The following BAALC variants were observed in gnomAD, a reference collection of about 807,000 sequenced individuals.
The protein encoded by BAALC is BAALC binder of MAP3K1 and KLF4.
Under a neutral mutation model 15.5 loss-of-function variants are expected in BAALC, and 9 were observed. The ratio of observed to expected loss-of-function variants is 0.58; its 90% CI spans 0.35 to 1.02. The LOEUF (loss-of-function observed/expected upper bound fraction) is 1.02, where lower values mean the gene tolerates loss of function less well. BAALC is among the 50% of genes least tolerant of loss of function. BAALC has a pLI of 0.02. For missense variants in BAALC, 201 were observed against 192.4 expected (o/e 1.04, Z -0.27); for synonymous variants, 80 against 74.6 (o/e 1.07, Z -0.37).
At chr8:103,218,752 A>G (rs550944278) in intron 2 of BAALC, among the ~76,000 whole-genome samples, 1 of 152,286 alleles carries the variant, frequency 6.6e-6, no homozygotes, top group African/African-American at 2.4e-5. Context: ...AGGAACTAGC[A>G]TGGGGACTGA....
chr8:103,174,172 G>A (rs72671401), intron 1 of BAALC, among the ~76,000 whole-genome samples: 12,516 of 151,500 alleles, frequency 0.083, 699 homozygotes, highest in Middle Eastern at 0.13. Flanking sequence ...CCATTCTGCC[G>A]GCCTCCCCCA....
intron 1 of BAALC, among the ~76,000 whole-genome samples, chr8:103,176,615 A>G (rs985135965): frequency 6.6e-6 from 1 of 152,140 alleles, no homozygotes; most frequent in African/African-American, 2.4e-5. Context: ...TTCTCATTGT[A>G]CCATGCGCCA....
chr8:103,161,983 C>G (rs896489986), intron 1 of BAALC, among the ~76,000 whole-genome samples: 1 of 151,140 alleles, frequency 6.6e-6, no homozygotes, highest in African/African-American at 2.4e-5. Flanking sequence ...TTTTTTGAAA[C>G]AGGGTTTTGC....
chr8:103,207,267 C>A (rs969185342), intron 1 of BAALC, among the ~76,000 whole-genome samples: 12 of 152,138 alleles, frequency 7.9e-5, no homozygotes, highest in African/African-American at 2.4e-4. Flanking sequence ...TAAAAGCAAA[C>A]AGAAGCTCAT....
intron 1 of BAALC, among the ~76,000 whole-genome samples, chr8:103,169,060 T>TC (rs1007969725): frequency 2.0e-5 from 3 of 152,076 alleles, no homozygotes; most frequent in Non-Finnish European, 4.4e-5. Context: ...TAAAAAAATC[T>TC]CATAGCCTTC....
At chr8:103,218,735 G>A (rs976073066) in intron 2 of BAALC, among the ~76,000 whole-genome samples, 6 of 152,128 alleles carry the variant, frequency 3.9e-5, no homozygotes, top group African/African-American at 1.4e-4. Flanking sequence ...TGACTGGACC[G>A]TGCTAAAGGA....
intron 1 of BAALC, chr8:103,200,851 G>C: frequency 1.8e-6 from 1 of 565,206 alleles, no homozygotes; most frequent in Non-Finnish European, 3.3e-6. Flanking sequence ...GCTTCCTAAA[G>C]GTCCTGCCTC....
intron 1 of BAALC, among the ~76,000 whole-genome samples, chr8:103,151,020 T>C (rs1220083067): frequency 3.0e-4 from 3 of 9,894 alleles, no homozygotes; most frequent in Admixed American, 2.0e-3. Context: ...AAGAATTTGA[T>C]TTTTTTTTTT....
chr8:103,145,303 A>G (rs2935579), intron 1 of BAALC, among the ~76,000 whole-genome samples: 113,307 of 152,174 alleles, frequency 0.74, 42,409 homozygotes, highest in Non-Finnish European at 0.76. Flanking sequence ...CTCCAGACCC[A>G]TGTGATCAAG....
At chr8:103,176,228 C>G (rs952906261) in intron 1 of BAALC, among the ~76,000 whole-genome samples, 1 of 152,182 alleles carries the variant, frequency 6.6e-6, no homozygotes, top group South Asian at 2.1e-4. Context: ...GGCTCTCTCA[C>G]GCATACATGC....
At chr8:103,152,753 G>A (rs1035276158) in intron 1 of BAALC, among the ~76,000 whole-genome samples, 1 of 152,226 alleles carries the variant, frequency 6.6e-6, no homozygotes, top group Non-Finnish European at 1.5e-5. Context: ...TCTGCACAGA[G>A]GTCTGGAGGT....
At chr8:103,188,316 G>C (rs1167216096) in intron 1 of BAALC, among the ~76,000 whole-genome samples, 1 of 152,120 alleles carries the variant, frequency 6.6e-6, no homozygotes, top group Non-Finnish European at 1.5e-5. Context: ...CGGGCCATGC[G>C]ATGCCCCTGA....
chr8:103,183,516 G>C (rs1202742258), intron 1 of BAALC: 2 of 696,296 alleles, frequency 2.9e-6, no homozygotes, highest in Non-Finnish European at 5.3e-6. Flanking sequence ...GGTGGGTATG[G>C]GACAACTCTG....
At chr8:103,203,711 G>A (rs986721670) in intron 1 of BAALC, among the ~76,000 whole-genome samples, 2 of 152,120 alleles carry the variant, frequency 1.3e-5, no homozygotes, top group Admixed American at 6.5e-5. Flanking sequence ...CTTCTTTCAC[G>A]TAGCGTAATG....
intron 2 of BAALC, among the ~76,000 whole-genome samples, chr8:103,219,050 C>G (rs1461221766): frequency 6.6e-6 from 1 of 152,156 alleles, no homozygotes; most frequent in Non-Finnish European, 1.5e-5. Context: ...CTGGGAAAAC[C>G]AGAGAGGGGA....
chr8:103,192,430 T>C (rs1811992649), intron 1 of BAALC, among the ~76,000 whole-genome samples: 1 of 152,242 alleles, frequency 6.6e-6, no homozygotes, highest in Non-Finnish European at 1.5e-5. Context: ...CTGTGTCCTT[T>C]CTAAATTGTT....
intron 1 of BAALC, among the ~76,000 whole-genome samples, chr8:103,177,190 T>TG (rs1236440184): frequency 1.1e-4 from 10 of 93,326 alleles, no homozygotes; most frequent in Admixed American, 2.9e-4. Context: ...TTGTTGTTGT[T>TG]TTGTTTTTTT....
intron 1 of BAALC, among the ~76,000 whole-genome samples, chr8:103,175,589 G>T (rs984337317): frequency 6.6e-6 from 1 of 152,182 alleles, no homozygotes; most frequent in African/African-American, 2.4e-5. Context: ...TAAAACCTTT[G>T]ATTTCAATGT....
intron 1 of BAALC, among the ~76,000 whole-genome samples, chr8:103,201,576 G>A (rs1812219016): frequency 6.6e-6 from 1 of 152,218 alleles, no homozygotes; most frequent in African/African-American, 2.4e-5. Flanking sequence ...TTAGGTTAAT[G>A]CCCATTCAAA....
Sources: allele counts gnomAD v4.1 joint callset (sites outside exome capture counted in the v4.1 genomes callset), GRCh38; gene constraint gnomAD v4.1.1; transcripts MANE v1.5; gene names NCBI Gene and HGNC (gene_info 2026-07-23, HGNC 2026-07-21).